TCTN1: variants seen among roughly 807,000 people sequenced by gnomAD.
TCTN1 encodes tectonic-1.
Under a neutral mutation model 65.8 loss-of-function variants are expected in TCTN1, and 58 were observed. That is an observed-to-expected ratio of 0.88 (90% CI 0.71 to 1.10). The LOEUF is 1.10. TCTN1 is among the 50% of genes least tolerant of loss of function. The pLI is 0.00. For missense variants in TCTN1, 645 were observed against 719.4 expected (o/e 0.90, Z 1.18); for synonymous variants, 273 against 289.1 (o/e 0.94, Z 0.57).
At chr12:110,621,875 C>T (rs563660920) in intron 2 of TCTN1, among the ~76,000 whole-genome samples, 5 of 151,932 alleles carry the variant, frequency 3.3e-5, no homozygotes, top group East Asian at 3.9e-4. Flanking sequence ...TGGTGTCTCA[C>T]GCCTGTAATC....
intron 4 of TCTN1, chr12:110,630,297 T>C (rs923479941): frequency 6.6e-6 from 1 of 152,240 alleles, no homozygotes; most frequent in African/African-American, 2.4e-5. Context: ...TAAACTTGTA[T>C]TTTGTCTCTT....
intron 5 of TCTN1, among the ~76,000 whole-genome samples, chr12:110,633,785 C>T (rs1480024635): frequency 6.6e-6 from 1 of 152,214 alleles, no homozygotes; most frequent in Non-Finnish European, 1.5e-5. Context: ...AGTCCACCTA[C>T]ATAGCTGGTG....
In TCTN1 at chr12:110,628,867, A is replaced by T. The variant is rs776518719; in HGVS notation, c.573A>T (p.Ser191=). The T allele has an allele frequency of 6.2e-7, 1 of 1,613,770 alleles. No individual in the cohort carries two copies. Among genetic ancestry groups the T allele is most frequent in the East Asian group, 2.2e-5 (1 of 44,822 alleles). Residue 191 remains serine, a synonymous_variant, in exon 4 of 15, where the codon TCA becomes TCT. Transcript: ENST00000397659. The part of the protein sequence containing the change: ...TSDGFTLNAE[S]YVSFTTKLDI... ...ATGGTTTTACATTGAATGCTGAATC[A>T]TATGTTTCCTTCACAACCAAACTGG...
chr12:110,645,858 A>G (rs1420432487), intron 12 of TCTN1: 1 of 152,590 alleles, frequency 6.6e-6, no homozygotes, highest in African/African-American at 2.4e-5. Flanking sequence ...CGCTCCGAAT[A>G]TTTCTAGCAT....
rs998712544 is a variant in TCTN1, at chr12:110,614,593, A to G, written c.220+191A>G. 6 of 1,214,112 alleles carry G rather than the reference A, an allele frequency of 4.9e-6. No homozygotes were observed. In the African/African-American group the frequency reaches 9.0e-5, roughly 18 times the overall value. The allele number at this position is 1,214,112 out of a possible 1,614,324, so 75.2% of individuals were successfully genotyped here. A position where few individuals can be genotyped will look rare whatever the true frequency, so the allele number is the denominator to read the frequency against. On this transcript the variant is annotated intron_variant, in intron 1 of 14. Coordinates refer to ENST00000397659, the MANE Select transcript of TCTN1 (RefSeq NM_001082538.3). ...GTAGCTGTTACTATCACTGTCAGGT[A>G]AATGAGAAAACCGGGTCTCAGAGTT...
chr12:110,632,642 TA>T, intron 5 of TCTN1, 83 bp downstream of exon 5: 2 of 1,469,040 alleles, frequency 1.4e-6, no homozygotes, highest in African/African-American at 1.4e-5. Context: ...TTTTTGCCAT[TA>T]AAAGTAATGA....
chr12:110,630,196 A>C (rs1436149496), intron 4 of TCTN1: 2 of 152,196 alleles, frequency 1.3e-5, no homozygotes, highest in South Asian at 2.1e-4. Context: ...CATGTTCTGC[A>C]CCCGTTATCC....
intron 10 of TCTN1, 124 bp downstream of exon 10, chr12:110,641,751 G>A (rs2066968345): frequency 9.0e-6 from 9 of 1,003,306 alleles, no homozygotes; most frequent in Admixed American, 2.0e-5. Flanking sequence ...TCCAGGCCGA[G>A]CTTCCTGCAG....
intron 2 of TCTN1, among the ~76,000 whole-genome samples, chr12:110,621,395 A>G (rs1389796283): frequency 1.3e-5 from 2 of 151,952 alleles, no homozygotes; most frequent in Admixed American, 6.6e-5. Context: ...ATGTTTCAGT[A>G]TTTGTTGAAA....
At chr12:110,630,957 CGTTGTT>C (rs547662704) in intron 4 of TCTN1, among the ~76,000 whole-genome samples, 2 of 151,832 alleles carry the variant, frequency 1.3e-5, no homozygotes, top group Admixed American at 6.6e-5. Context: ...GATAGAGCTG[CGTTGTT>C]GTTGTTGTTG....
At chr12:110,618,868 C>T (rs192758945) in intron 1 of TCTN1, among the ~76,000 whole-genome samples, 138 of 152,080 alleles carry the variant, frequency 9.1e-4, no homozygotes, top group African/African-American at 3.1e-3. Context: ...GAAAAATCAT[C>T]CTTATTAATG....
intron 3 of TCTN1, among the ~76,000 whole-genome samples, chr12:110,626,725 G>A (rs555963492): frequency 2.0e-5 from 3 of 148,784 alleles, no homozygotes; most frequent in Non-Finnish European, 4.4e-5. Context: ...GATTACAGGT[G>A]CCTGCCACCA....
intron 4 of TCTN1, among the ~76,000 whole-genome samples, chr12:110,631,527 G>A (rs1403547363): frequency 6.6e-6 from 1 of 152,060 alleles, no homozygotes; most frequent in Non-Finnish European, 1.5e-5. Context: ...CCAGCTACTT[G>A]GAAGGCTGAG....
At position 110,640,924 on chromosome 12, in the gene TCTN1, A is replaced by T. The variant is rs1329493040; in HGVS notation, c.979-100A>T. 6.5e-6 allele frequency: 10 copies of T among 1,542,672 alleles called. No homozygotes were observed. Among genetic ancestry groups the T allele is most frequent in the Non-Finnish European group, 8.9e-7 (1 of 1,121,298 alleles). ...CAGAGCAAGGCTTCAACACATGGAG[A>T]AACAGGGAAAGATTTGCTATCTATG... On this transcript the variant is annotated intron_variant, in intron 8 of 14. Coordinates refer to ENST00000397659, the MANE Select transcript of TCTN1 (RefSeq NM_001082538.3). This position sits in a 1 kb window ranked among gnomAD's most constrained non-coding sequence, Gnocchi z 4.9.
intron 7 of TCTN1, among the ~76,000 whole-genome samples, chr12:110,636,708 G>A (rs1292000471): frequency 1.3e-5 from 2 of 152,168 alleles, no homozygotes; most frequent in Non-Finnish European, 1.5e-5. Flanking sequence ...TGCCTCTGTT[G>A]TTGTGGTTTT....
At chr12:110,616,256 T>TA (rs2065027511) in intron 1 of TCTN1, 4 of 295,182 alleles carry the variant, frequency 1.4e-5, no homozygotes, top group African/African-American at 8.9e-5. Flanking sequence ...CACACTTTAT[T>TA]TTTTTTTTTT....
rs936696825 is a variant in TCTN1, at chr12:110,641,620, C to A, written c.1183C>A (p.His395Asn). 22 of 1,614,026 alleles carry A rather than the reference C, an allele frequency of 1.4e-5. No homozygotes were observed. The highest frequency in any genetic ancestry group is 1.9e-5 in the Non-Finnish European group (22 of 1,179,952). Residue 395 changes from histidine to asparagine, a missense_variant, in exon 10 of 15, where the codon CAT (histidine) becomes AAT (asparagine). Coordinates refer to ENST00000397659, the MANE Select transcript of TCTN1 (RefSeq NM_001082538.3). ...GLPLAAGFQPHKGSGIIQTTN... is the reference protein window; with the variant it reads ...GLPLAAGFQPNKGSGIIQTTN... ...CCCATTAGCTGCTGGATTCCAGCCT[C>A]ATAAGGGATATCCTTTTTGGTTCTG...
intron 2 of TCTN1, among the ~76,000 whole-genome samples, chr12:110,620,391 G>T (rs983670574): frequency 7.2e-5 from 11 of 151,748 alleles, no homozygotes; most frequent in Non-Finnish European, 1.5e-4. Flanking sequence ...CTGGGTGACA[G>T]AGCGAGACTC....
intron 10 of TCTN1, chr12:110,641,851 A>G: frequency 1.8e-6 from 1 of 560,520 alleles, no homozygotes; most frequent in Non-Finnish European, 3.1e-6. Context: ...TCCTGGGAAA[A>G]TGTCAGTGTT....
Sources: allele counts gnomAD v4.1 joint callset (sites outside exome capture counted in the v4.1 genomes callset), GRCh38; gene constraint gnomAD v4.1.1; non-coding constraint Gnocchi (gnomAD v3.1); transcripts MANE v1.5; gene names NCBI Gene and HGNC (gene_info 2026-07-23, HGNC 2026-07-21).